The following MDM4 variants were observed in gnomAD, a reference collection of about 807,000 sequenced individuals.
MDM4 encodes the protein protein Mdm4.
A neutral mutation model predicts 60.2 loss-of-function variants in MDM4; 2 were observed. The ratio of observed to expected loss-of-function variants is 0.03; its 90% CI spans 0.01 to 0.10. The LOEUF (loss-of-function observed/expected upper bound fraction) is 0.10, where lower values mean the gene tolerates loss of function less well. MDM4 is among the 10% of genes least tolerant of loss of function. The pLI is 1.00. For missense variants in MDM4, 447 were observed against 577.5 expected (o/e 0.77, Z 2.32); for synonymous variants, 202 against 198.1 (o/e 1.02, Z -0.17).
chr1:204,538,989 C>T (rs1158030654), intron 7 of MDM4, among the ~76,000 whole-genome samples: 2 of 151,846 alleles, frequency 1.3e-5, no homozygotes, highest in African/African-American at 4.8e-5. Flanking sequence ...CCTGCCTCAG[C>T]CTCTGGAGTA....
chr1:204,519,933 T>A (rs1417216975), intron 1 of MDM4, among the ~76,000 whole-genome samples: 1 of 152,014 alleles, frequency 6.6e-6, no homozygotes, highest in African/African-American at 2.4e-5. Context: ...GGAGAAAATC[T>A]AGAACAAAGA....
In MDM4 at chr1:204,526,512, G is replaced by T. The variant is rs924853193; in HGVS notation, c.153+78G>T. ...GGAGTCTCCCTCTTTTGCCCAGGCT[G>T]GAGTGCAGTGGTGCGATCTCAGATC... On this transcript the variant is annotated intron_variant, in intron 3 of 10. Transcript: ENST00000367182. The T allele has an allele frequency of 7.7e-6, 8 of 1,032,702 alleles. 1 individual carries two copies. In the African/African-American group the frequency reaches 1.2e-4, roughly 15 times the overall value. 64.0% of individuals were successfully genotyped at this position (1,032,702 alleles called of 1,614,324 possible).
chr1:204,530,086 G>A (rs1469286241), intron 3 of MDM4, among the ~76,000 whole-genome samples: 1 of 152,128 alleles, frequency 6.6e-6, no homozygotes. Flanking sequence ...ATGTTGCCCA[G>A]GCTGGTATCA....
At chr1:204,523,473 A>ATCTT (rs1659781584) in intron 1 of MDM4, among the ~76,000 whole-genome samples, 1 of 58,950 alleles carries the variant, frequency 1.7e-5, no homozygotes, top group Non-Finnish European at 2.8e-5. Context: ...CCTAAAAAAA[A>ATCTT]TTTTTTTTTT....
intron 1 of MDM4, among the ~76,000 whole-genome samples, chr1:204,523,876 A>T (rs886907636): frequency 6.6e-6 from 1 of 152,164 alleles, no homozygotes; most frequent in Non-Finnish European, 1.5e-5. Flanking sequence ...GGTAGCCCCT[A>T]CTTCTGTGTT....
At position 204,555,924 on chromosome 1, in the gene MDM4, CTG is replaced by C. The variant is rs1238276238; in HGVS notation, c.*6244_*6245del. ...GCCCCTAATTTCTTATCTGAAGGCA[CTG>C]TTTTTTTTTTTAAACAGTTAAGTAC... On this transcript the variant is annotated 3_prime_UTR_variant, in exon 11 of 11. Coordinates refer to ENST00000367182, the MANE Select transcript of MDM4 (RefSeq NM_002393.5). 4 of 144,400 alleles carry C rather than the reference CTG, an allele frequency of 2.8e-5. No homozygotes were observed. Among genetic ancestry groups the C allele is most frequent in the Non-Finnish European group, 6.1e-5 (4 of 65,198 alleles). 8.9% of individuals were successfully genotyped at this position (144,400 alleles called of 1,614,324 possible).
intron 1 of MDM4, among the ~76,000 whole-genome samples, chr1:204,517,481 G>A (rs544852672): frequency 6.6e-6 from 1 of 151,902 alleles, no homozygotes; most frequent in Non-Finnish European, 1.5e-5. Flanking sequence ...TTGGCTCACT[G>A]CAACTTCTGC....
intron 8 of MDM4, 82 bp from the exon 9 acceptor site, chr1:204,544,451 TGA>T (rs1662448781): frequency 7.4e-7 from 1 of 1,358,216 alleles, no homozygotes; most frequent in Admixed American, 2.1e-5. Context: ...GTGACGACAT[TGA>T]GTTTTGGGTT....
chr1:204,550,299 G>T lies in MDM4; in HGVS notation c.*617G>T. 1 of 228,938 alleles carries T rather than the reference G, an allele frequency of 4.4e-6. No homozygotes were observed. The highest frequency in any genetic ancestry group is 8.7e-6 in the Non-Finnish European group (1 of 115,354). 14.2% of individuals were successfully genotyped at this position (228,938 alleles called of 1,614,324 possible). ...AGTGGTCTTCCCACTTCAGCCTCCT[G>T]AGTAGCTGAGACTATAGACTAGCAT... On this transcript the variant is annotated 3_prime_UTR_variant, in exon 11 of 11. Transcript: ENST00000367182.
In MDM4 at chr1:204,530,934, T is replaced by C. The variant is rs568891678; in HGVS notation, c.287+117T>C. On this transcript the variant is annotated intron_variant, in intron 4 of 10. Transcript: ENST00000367182. ...CAAATATGTAAGAGCCTACATATGT[T>C]AGGTAGCCTATGAGGCACTGAGAAT... The C allele has an allele frequency of 7.3e-4, 955 of 1,312,774 alleles. 14 individuals carry two copies. In the South Asian group the frequency reaches 0.012, roughly 16 times the overall value. The allele number at this position is 1,312,774 out of a possible 1,614,324, so 81.3% of individuals were successfully genotyped here.
At chr1:204,532,525 T>C in intron 5 of MDM4, 1 of 553,766 alleles carries the variant, frequency 1.8e-6, no homozygotes, top group Non-Finnish European at 3.1e-6. Flanking sequence ...GATAAGGACT[T>C]TTTTCTCCAA....
In MDM4 at chr1:204,516,498, A is replaced by T. The variant is rs1572434114; in HGVS notation, c.-47A>T. Reference sequence around the variant, plus strand: ...GGCTCGGCGGGGGAGCGACTCATGGAGCTGCCGTAAGGTGTGGCTCTTGGC... The same window carrying T: ...GGCTCGGCGGGGGAGCGACTCATGGTGCTGCCGTAAGGTGTGGCTCTTGGC... On this transcript the variant is annotated 5_prime_UTR_variant, in exon 1 of 11. Coordinates refer to ENST00000367182, the MANE Select transcript of MDM4 (RefSeq NM_002393.5). 1 of 152,162 alleles carries T rather than the reference A, an allele frequency of 6.6e-6. No homozygotes were observed. Among genetic ancestry groups the T allele is most frequent in the African/African-American group, 2.4e-5 (1 of 41,408 alleles). 9.4% of individuals were successfully genotyped at this position (152,162 alleles called of 1,614,324 possible). A position where few individuals can be genotyped will look rare whatever the true frequency, so the allele number is the denominator to read the frequency against.
At chr1:204,540,987 G>A (rs1662014001) in intron 7 of MDM4, among the ~76,000 whole-genome samples, 1 of 152,074 alleles carries the variant, frequency 6.6e-6, no homozygotes, top group African/African-American at 2.4e-5. Flanking sequence ...TTATCATGCT[G>A]GATTGTTTTC....
At chr1:204,539,324 A>G (rs1444589865) in intron 7 of MDM4, among the ~76,000 whole-genome samples, 2 of 151,954 alleles carry the variant, frequency 1.3e-5, no homozygotes, top group Non-Finnish European at 2.9e-5. Context: ...AGATGACATA[A>G]TATACTTAAT....
chr1:204,537,222 T>C (rs1359717986), intron 5 of MDM4, among the ~76,000 whole-genome samples: 5 of 152,204 alleles, frequency 3.3e-5, no homozygotes, highest in Non-Finnish European at 5.9e-5. Context: ...ATTTTGGTAA[T>C]ATATTTTGGA....
chr1:204,532,963 G>A, intron 5 of MDM4: 1 of 855,786 alleles, frequency 1.2e-6, no homozygotes, highest in East Asian at 2.7e-5. Flanking sequence ...TCACATCAGA[G>A]TCATGTAAGG....
intron 6 of MDM4, chr1:204,537,900 A>T: frequency 1.5e-6 from 1 of 680,986 alleles, no homozygotes; most frequent in Non-Finnish European, 2.8e-6. Context: ...AGGGTTTCAT[A>T]TGTTTTCTGA....
intron 1 of MDM4, among the ~76,000 whole-genome samples, chr1:204,517,457 G>A (rs1165293650): frequency 6.6e-6 from 1 of 151,878 alleles, no homozygotes; most frequent in Non-Finnish European, 1.5e-5. Flanking sequence ...AGGCTGGCGT[G>A]CAGTGGCGCG....
At chr1:204,532,696 A>T in intron 5 of MDM4, 2 of 1,499,930 alleles carry the variant, frequency 1.3e-6, no homozygotes, top group Non-Finnish European at 1.8e-6. Flanking sequence ...CCTTTGGTTG[A>T]TATGTCTCAT....
Sources: gnomAD v4.1 joint callset for allele counts (sites outside exome capture counted in the v4.1 genomes callset) on GRCh38, gnomAD v4.1.1 for gene constraint, MANE v1.5 for transcripts, NCBI Gene and HGNC (gene_info 2026-07-23, HGNC 2026-07-21) for gene names.